Variants in ZNF728 observed in about 807,000 individuals in gnomAD.
The protein encoded by ZNF728 is zinc finger protein 728.
ZNF728 carries 12 observed loss-of-function variants against 12.5 expected under a neutral mutation model. That is an observed-to-expected ratio of 0.96 (90% CI 0.61 to 1.55). The LOEUF is 1.55. ZNF728 is among the 40% of genes most tolerant of loss of function. ZNF728 has a pLI of 0.00. For synonymous variants in ZNF728, 205 were observed against 240.7 expected, an observed-to-expected ratio of 0.85 and a Z score of 1.37; for missense variants, 692 against 719.2, an observed-to-expected ratio of 0.96 and a Z score of 0.43.
At chr19:22,986,571 A>G (rs766283016) in intron 3 of ZNF728, among the ~76,000 whole-genome samples, 6 of 152,218 alleles carry the variant, frequency 3.9e-5, no homozygotes, top group African/African-American at 1.4e-4. Flanking sequence ...TTTCAAGTGA[A>G]AGATTTATCA....
At chr19:23,002,734 T>C (rs1969125601) in intron 1 of ZNF728, among the ~76,000 whole-genome samples, 1 of 152,146 alleles carries the variant, frequency 6.6e-6, no homozygotes, top group African/African-American at 2.4e-5. Context: ...GACCCTCCCA[T>C]GCTCCCTGCA....
chr19:22,999,922 T>C (rs1274055494), intron 1 of ZNF728, among the ~76,000 whole-genome samples: 2 of 152,224 alleles, frequency 1.3e-5, no homozygotes, highest in African/African-American at 4.8e-5. Context: ...CATGAAACTA[T>C]GTAACTCACC....
intron 3 of ZNF728, among the ~76,000 whole-genome samples, chr19:22,986,462 A>G (rs1243754341): frequency 6.6e-6 from 1 of 152,226 alleles, no homozygotes; most frequent in African/African-American, 2.4e-5. Context: ...CCATACACTT[A>G]AACTATCTGA....
At chr19:22,993,243 C>G (rs1207329488) in intron 1 of ZNF728, among the ~76,000 whole-genome samples, 1 of 152,218 alleles carries the variant, frequency 6.6e-6, no homozygotes, top group Non-Finnish European at 1.5e-5. Context: ...ATGTTGATAT[C>G]TCACAATGCA....
intron 3 of ZNF728, among the ~76,000 whole-genome samples, chr19:22,977,999 G>T (rs547133855): frequency 7.7e-4 from 117 of 151,304 alleles, no homozygotes; most frequent in African/African-American, 2.8e-3. Context: ...GAAAAATGAG[G>T]ATAAGAACAA....
chr19:22,976,885 G>T lies in ZNF728; in HGVS notation c.452C>A (p.Ala151Glu). The change falls in exon 4 of 4, where the codon GCA becomes GAA. Residue 151 changes from alanine (A) to glutamate (E), a missense_variant. By Grantham distance (107) the Ala-to-Glu change is moderately radical. Coordinates refer to ENST00000594710, the MANE Select transcript of ZNF728 (RefSeq NM_001267716.2). ...ATTTGAACATTTATGAAAGATGTTT[G>T]CATATTTGCCACATTGAAATACTTT... ...QSKVFQCGKYANIFHKCSNSK... is the reference protein window; with the variant it reads ...QSKVFQCGKYENIFHKCSNSK... The T allele has an allele frequency of 6.2e-7, 1 of 1,613,340 alleles. No homozygotes were observed.
chr19:22,991,557 A>G (rs1968987991), intron 1 of ZNF728, among the ~76,000 whole-genome samples: 1 of 152,210 alleles, frequency 6.6e-6, no homozygotes, highest in Admixed American at 6.5e-5. Context: ...ACAGTTGCTA[A>G]ATAATGTTTC....
chr19:23,000,689 A>G (rs1387256282), intron 1 of ZNF728, among the ~76,000 whole-genome samples: 1 of 151,584 alleles, frequency 6.6e-6, no homozygotes, highest in Admixed American at 6.6e-5. Context: ...TCAACATGGC[A>G]AACCCCCATC....
intron 1 of ZNF728, among the ~76,000 whole-genome samples, chr19:22,993,215 G>C (rs970926815): frequency 2.0e-5 from 3 of 152,216 alleles, no homozygotes; most frequent in Admixed American, 1.3e-4. Context: ...ACTCTCAAAA[G>C]AGGAATTTAA....
At chr19:22,989,829 C>T (rs1421259285) in intron 1 of ZNF728, among the ~76,000 whole-genome samples, 1 of 152,082 alleles carries the variant, frequency 6.6e-6, no homozygotes, top group Non-Finnish European at 1.5e-5. Flanking sequence ...AAATACTATA[C>T]TGCTTCAATG....
Position 22,976,773 on chromosome 19 carries a change from T to C in ZNF728, c.564A>G (p.Leu188=), listed in dbSNP as rs748040571. Residue 188 remains leucine, a synonymous_variant, in exon 4 of 4, where the codon CTA becomes CTG. Coordinates refer to ENST00000594710, the MANE Select transcript of ZNF728 (RefSeq NM_001267716.2). ...TAGTATAAATTCTTTTATGTTGAGATAGGTGTGAAAGCATGCAAAATGATC... is the reference window on the plus strand; with the variant it reads ...TAGTATAAATTCTTTTATGTTGAGACAGGTGTGAAAGCATGCAAAATGATC... ...YVRSFCMLSH[L]SQHKRIYTRE... is the part of the protein sequence containing the mutation. 5 of 1,613,354 alleles carry C rather than the reference T, an allele frequency of 3.1e-6. No individual in the cohort carries two copies. In the African/African-American group the frequency reaches 5.3e-5, roughly 17 times the overall value.
chr19:22,987,300 T>G lies in ZNF728; in HGVS notation c.226+8A>C, dbSNP rs1968927091. The stretch of plus-strand genomic sequence containing the variant: ...TCATCCATGTTGTCTGTATTCATTC[T>G]CACCTACCTGGCGGTTCTTTCACCA... On this transcript the variant is annotated splice_region_variant and intron_variant, in intron 3 of 3. Transcript: ENST00000594710. 1.9e-6 allele frequency: 3 copies of G among 1,609,124 alleles called. No homozygotes were observed. In the South Asian group the frequency reaches 3.3e-5, roughly 18 times the overall value.
At chr19:22,993,210 C>A (rs1488671850) in intron 1 of ZNF728, among the ~76,000 whole-genome samples, 1 of 152,208 alleles carries the variant, frequency 6.6e-6, no homozygotes, top group East Asian at 1.9e-4. Context: ...GCCACACTCT[C>A]AAAAGAGGAA....
rs576686685 is a variant in ZNF728, at chr19:22,975,295, A to C, written c.*173T>G. Among the ~76,000 whole-genome samples, 1 of 152,280 alleles carries C rather than the reference A, an allele frequency of 6.6e-6. No individual in the cohort carries two copies. Among genetic ancestry groups the C allele is most frequent in the South Asian group, 2.1e-4 (1 of 4,824 alleles). ...AAGGACTGATTAAAGGCTTTGCCAC[A>C]TTCCACACAATTGTAGGAATTCCCT... On this transcript the variant is annotated 3_prime_UTR_variant, in exon 4 of 4. Coordinates refer to ENST00000594710, the MANE Select transcript of ZNF728 (RefSeq NM_001267716.2).
At chr19:22,996,699 G>A (rs1330734551) in intron 1 of ZNF728, among the ~76,000 whole-genome samples, 2 of 152,090 alleles carry the variant, frequency 1.3e-5, no homozygotes, top group Non-Finnish European at 2.9e-5. Context: ...CAAAAAGAAT[G>A]ACAAAAGGTT....
Position 22,975,935 on chromosome 19 carries a change from T to G in ZNF728, c.1402A>C (p.Thr468Pro), listed in dbSNP as rs1400709764. Reference sequence around the variant, plus strand: ...CCAGCATGAATTGCCTTATGTGTAGTAAGGCTTGAGGACCAGCTGAAGACT... The same window carrying G: ...CCAGCATGAATTGCCTTATGTGTAGGAAGGCTTGAGGACCAGCTGAAGACT... Reference protein sequence around the residue: ...GKVFSWSSSLTTHKAIHAGEK... With the variant: ...GKVFSWSSSLPTHKAIHAGEK... Residue 468 changes from threonine (T) to proline (P), a missense_variant, in exon 4 of 4, where the codon ACT (threonine) becomes CCT (proline). Thr to Pro is a conservative substitution (Grantham distance 38). Coordinates refer to ENST00000594710, the MANE Select transcript of ZNF728 (RefSeq NM_001267716.2). The G allele has an allele frequency of 6.2e-7, 1 of 1,606,498 alleles. No homozygotes were observed. Among genetic ancestry groups the G allele is most frequent in the Non-Finnish European group, 8.5e-7 (1 of 1,174,462 alleles).
chr19:22,978,840 A>AG (rs34562776), intron 3 of ZNF728, among the ~76,000 whole-genome samples: 46,476 of 152,052 alleles, frequency 0.31, 9,209 homozygotes, highest in African/African-American at 0.57. Context: ...GTTTACTCAG[A>AG]ACCCCATCTG....
At chr19:22,988,220 T>C (rs1458291769) in intron 2 of ZNF728, 105 bp downstream of exon 2, 4 of 1,577,278 alleles carry the variant, frequency 2.5e-6, no homozygotes, top group Non-Finnish European at 3.4e-6. Context: ...CTCTTTTGTC[T>C]GCCTTTATTC....
chr19:22,984,268 A>C (rs1968890906), intron 3 of ZNF728, among the ~76,000 whole-genome samples: 1 of 152,062 alleles, frequency 6.6e-6, no homozygotes, highest in African/African-American at 2.4e-5. Flanking sequence ...AAAATTGAAA[A>C]AAAAATATGC....
Sources: allele counts gnomAD v4.1 joint callset (sites outside exome capture counted in the v4.1 genomes callset), GRCh38; gene constraint gnomAD v4.1.1; transcripts MANE v1.5; gene names NCBI Gene and HGNC (gene_info 2026-07-23, HGNC 2026-07-21).